Variants in TESPA1 observed in about 807,000 individuals in gnomAD.
TESPA1 encodes protein TESPA1.
A neutral mutation model predicts 57.9 loss-of-function variants in TESPA1; 33 were observed. The ratio of observed to expected loss-of-function variants is 0.57; its 90% confidence interval spans 0.43 to 0.76. TESPA1 has a LOEUF of 0.76. Ranked by LOEUF, TESPA1 falls within the 30% of genes least tolerant of loss-of-function variation. The pLI, the probability that TESPA1 is intolerant of heterozygous loss-of-function variation, is 0.00. For missense variants in TESPA1, 618 were observed against 632.9 expected, an observed-to-expected ratio of 0.98 and a Z score of 0.25; for synonymous variants, 227 against 228.9, an observed-to-expected ratio of 0.99 and a Z score of 0.07.
At position 54,961,917 on chromosome 12, in the gene TESPA1, T is replaced by C. The variant is rs140116036; in HGVS notation, c.1467+514A>G. Among the ~76,000 whole-genome samples, 6 of 152,282 alleles carry C rather than the reference T, an allele frequency of 3.9e-5. No individual in the cohort carries two copies. In the East Asian group the frequency reaches 7.7e-4, roughly 20 times the overall value. ...TGGACATGCAAGGTCCCTTATGGTA[T>C]AGGACAGGTCTGGGCACTGGAAGAT... On this transcript the variant is annotated intron_variant, in intron 9 of 10. Coordinates refer to ENST00000449076, the MANE Select transcript of TESPA1 (RefSeq NM_001136030.3).
rs1951240850 is a variant in TESPA1 at position 54,963,821 on chromosome 12, G to T, written c.576C>A (p.Ala192=). The change falls in exon 8 of 11, where the codon GCC becomes GCA. Residue 192 remains alanine (A), a synonymous_variant. Coordinates refer to ENST00000449076, the MANE Select transcript of TESPA1 (RefSeq NM_001136030.3). ...GGAAGAGCTGGAAATCAATGCCCTT[G>T]GCCTGAGAGGGGGTGGTGAAAAATC... ...PARFFTTPSQ[A]KGIDFQLFLK... is the part of the protein sequence containing the mutation. 1.9e-6 allele frequency: 3 copies of T among 1,613,888 alleles called. No homozygotes were observed. Among genetic ancestry groups the T allele is most frequent in the Non-Finnish European group, 2.5e-6 (3 of 1,179,894 alleles).
chr12:54,952,984 A>C (rs4499085), intron 10 of TESPA1, among the ~76,000 whole-genome samples: 7,393 of 151,866 alleles, frequency 0.049, 572 homozygotes, highest in African/African-American at 0.16. Flanking sequence ...TAGATATTTT[A>C]CCTCCTGAAT....
rs1249966307 is a variant in TESPA1, at chr12:54,950,212, T to C, written c.*180A>G. ...AGGATGTGGATTCCAAATCGCTCAG[T>C]CTGGTCTTCCTCCCCATGTACCATG... On this transcript the variant is annotated 3_prime_UTR_variant, in exon 11 of 11. Coordinates refer to ENST00000449076, the MANE Select transcript of TESPA1 (RefSeq NM_001136030.3). 3 of 454,716 alleles carry C rather than the reference T, an allele frequency of 6.6e-6. No individual in the cohort carries two copies. Among genetic ancestry groups the C allele is most frequent in the African/African-American group, 2.0e-5 (1 of 49,988 alleles). The allele number at this position is 454,716 out of a possible 1,614,324, so 28.2% of individuals were successfully genotyped here.
At chr12:54,966,873 C>T (rs1054964895) in intron 5 of TESPA1, among the ~76,000 whole-genome samples, 6 of 152,112 alleles carry the variant, frequency 3.9e-5, no homozygotes, top group African/African-American at 1.4e-4. Flanking sequence ...AGTTTCTGTA[C>T]AGAAAACAGT....
chr12:54,966,078 C>G lies in TESPA1; in HGVS notation c.421G>C (p.Gly141Arg). Reference protein sequence around the residue: ...GCSLASSSMTGGTNKTSSSIS... With the variant: ...GCSLASSSMTRGTNKTSSSIS... ...CTTGAACTAGTCTTGTTGGTCCCCC[C>G]AGTCATGCTGCTGGAAGCCAAACTA... The change falls in exon 7 of 11, where the codon GGG (glycine) becomes CGG (arginine). Residue 141 changes from glycine to arginine, a missense_variant. By Grantham distance (125) the Gly-to-Arg change is moderately radical. Around this residue, in one of 3 missense-constraint regions of TESPA1, gnomAD observed 199 missense variants for 184.0 expected, o/e 1.08. Transcript: ENST00000449076. The G allele has an allele frequency of 1.9e-6, 3 of 1,577,334 alleles. No homozygotes were observed. The highest frequency in any genetic ancestry group is 1.7e-4 in the Middle Eastern group (1 of 6,026).
intron 1 of TESPA1, among the ~76,000 whole-genome samples, chr12:54,977,336 G>A (rs543027213): frequency 4.9e-4 from 74 of 152,222 alleles, no homozygotes; most frequent in South Asian, 2.5e-3. Flanking sequence ...CACATGCAGG[G>A]AGATCGGCTG....
chr12:54,966,257 A>G, intron 6 of TESPA1, 106 bp from the exon 7 acceptor site: 1 of 1,569,192 alleles, frequency 6.4e-7, no homozygotes, highest in Non-Finnish European at 8.7e-7. Context: ...TAGTCTATGC[A>G]GTGCTTGTTC....
chr12:54,968,612 AT>A (rs1951602443), intron 3 of TESPA1, among the ~76,000 whole-genome samples: 1 of 152,200 alleles, frequency 6.6e-6, no homozygotes, highest in South Asian at 2.1e-4. Context: ...GTCCTGGCTC[AT>A]TGTGGCTGTT....
intron 1 of TESPA1, among the ~76,000 whole-genome samples, chr12:54,975,218 A>G (rs1952080511): frequency 6.6e-6 from 1 of 152,092 alleles, no homozygotes; most frequent in African/African-American, 2.4e-5. Context: ...GAAAAAAAAA[A>G]ATACCCTGTG....
intron 7 of TESPA1, among the ~76,000 whole-genome samples, chr12:54,964,819 G>A (rs181076562): frequency 1.3e-5 from 2 of 152,328 alleles, no homozygotes; most frequent in Admixed American, 6.5e-5. Flanking sequence ...AATTGTGGGC[G>A]TAAAACTGGA....
intron 7 of TESPA1, 109 bp from the exon 8 acceptor site, chr12:54,964,059 C>A: frequency 8.8e-7 from 1 of 1,134,054 alleles, no homozygotes; most frequent in Non-Finnish European, 1.3e-6. Context: ...CTTTTCTGTC[C>A]ATTTCTCTAC....
At chr12:54,951,916 C>T (rs1293526452) in intron 10 of TESPA1, among the ~76,000 whole-genome samples, 2 of 151,570 alleles carry the variant, frequency 1.3e-5, no homozygotes, top group Non-Finnish European at 2.9e-5. Context: ...TTCCTCATGC[C>T]GTCACCTATT....
upstream of TESPA1, among the ~76,000 whole-genome samples, chr12:54,985,177 C>CTT (rs1235657418): frequency 6.6e-6 from 1 of 152,202 alleles, no homozygotes; most frequent in Non-Finnish European, 1.5e-5. Flanking sequence ...GTGTTGATAA[C>CTT]TTTCATACTC....
At chr12:54,959,361 T>A (rs1219593516) in intron 10 of TESPA1, among the ~76,000 whole-genome samples, 2 of 152,200 alleles carry the variant, frequency 1.3e-5, no homozygotes, top group Admixed American at 6.5e-5. Context: ...GGGAAGACTT[T>A]GTTAAGAGGA....
chr12:54,957,716 G>GA lies in TESPA1; in HGVS notation c.*1+3451dup, dbSNP rs367598436. On this transcript the variant is annotated intron_variant, in intron 10 of 10. Transcript: ENST00000449076. The stretch of plus-strand genomic sequence containing the variant: ...TCTCTTATTCTTCTAGGTAATCATA[G>GA]AAAAAAATCACAAAATATTTTCCTA... Among the ~76,000 whole-genome samples, 110 of 152,170 alleles carry GA rather than the reference G, an allele frequency of 7.2e-4. 1 individual carries two copies. Among genetic ancestry groups the GA allele is most frequent in the East Asian group, 2.3e-3 (12 of 5,188 alleles).
chr12:54,963,972 A>T, intron 7 of TESPA1, 22 bp from the exon 8 acceptor site: 1 of 1,608,106 alleles, frequency 6.2e-7, no homozygotes, highest in Non-Finnish European at 8.5e-7. Context: ...GAGTTTGGGT[A>T]AATAAGGGAC....
At chr12:54,966,593 A>G (rs1218724003) in intron 5 of TESPA1, among the ~76,000 whole-genome samples, 169 bp from the exon 6 acceptor site, 2 of 152,124 alleles carry the variant, frequency 1.3e-5, no homozygotes, top group Non-Finnish European at 2.9e-5. Flanking sequence ...ATTACCTAAC[A>G]CAGTTCTGGA....
chr12:54,963,329 A>C, intron 8 of TESPA1, 87 bp from the exon 9 acceptor site: 9 of 1,299,618 alleles, frequency 6.9e-6, no homozygotes, highest in South Asian at 3.1e-5. Context: ...CCCAAAGCTC[A>C]AAATTCAGGG....
rs1016641178 is a variant in TESPA1 at position 54,949,707 on chromosome 12, ACTCTGAATC to A, written c.*676_*684del. ...CCCCCCACAATGGCTAGGAGAAGAG[ACTCTGAATC>A]CTACTTATCTCTTTTTCTATAAAGA... On this transcript the variant is annotated 3_prime_UTR_variant, in exon 11 of 11. Coordinates refer to ENST00000449076, the MANE Select transcript of TESPA1 (RefSeq NM_001136030.3). 6.6e-6 allele frequency: 1 copy of A among 152,466 alleles called. No homozygotes were observed. The highest frequency in any genetic ancestry group is 2.4e-5 in the African/African-American group (1 of 41,392). The allele number at this position is 152,466 out of a possible 1,614,324, so 9.4% of individuals were successfully genotyped here.
Sources: allele counts gnomAD v4.1 joint callset (sites outside exome capture counted in the v4.1 genomes callset), GRCh38; gene constraint gnomAD v4.1.1; regional missense constraint gnomAD v4.1.1; transcripts MANE v1.5; gene names NCBI Gene and HGNC (gene_info 2026-07-23, HGNC 2026-07-21).